SPAG16: variants seen among roughly 807,000 people sequenced by gnomAD.
The protein encoded by SPAG16 is sperm-associated antigen 16 protein.
SPAG16 carries 86 observed loss-of-function variants against 80.4 expected under a neutral mutation model. That is an observed-to-expected ratio of 1.07 (90% CI 0.90 to 1.28). SPAG16 has a LOEUF of 1.28. SPAG16 is among the 50% of genes most tolerant of loss of function. The pLI is 0.00. For missense variants in SPAG16, 870 were observed against 765.3 expected, an observed-to-expected ratio of 1.14 and a Z score of -1.61; for synonymous variants, 294 against 265.9, an observed-to-expected ratio of 1.11 and a Z score of -1.03.
At chr2:213,392,811 A>G (rs1272943071) in intron 9 of SPAG16, among the ~76,000 whole-genome samples, 3 of 151,654 alleles carry the variant, frequency 2.0e-5, no homozygotes, top group Non-Finnish European at 2.9e-5. Flanking sequence ...GCACTACTGC[A>G]CTCCATCCTG....
intron 11 of SPAG16, among the ~76,000 whole-genome samples, chr2:213,918,812 T>A (rs1044184568): frequency 1.3e-5 from 2 of 151,430 alleles, no homozygotes; most frequent in African/African-American, 4.8e-5. Context: ...TTGTAACTCA[T>A]TTTTTTTGTC....
chr2:214,014,708 G>C (rs986281381), intron 13 of SPAG16, among the ~76,000 whole-genome samples: 6 of 152,136 alleles, frequency 3.9e-5, no homozygotes, highest in Non-Finnish European at 8.8e-5. Context: ...AGGCATGATA[G>C]GCAAGAATGT....
At chr2:213,934,119 A>C (rs1002830254) in intron 12 of SPAG16, among the ~76,000 whole-genome samples, 2 of 152,206 alleles carry the variant, frequency 1.3e-5, no homozygotes, top group African/African-American at 4.8e-5. Flanking sequence ...CAATGGGGAA[A>C]GGTGCTCCTC....
At position 213,537,272 on chromosome 2, in the gene SPAG16, C is replaced by G. The variant is rs553241521; in HGVS notation, c.1070+47182C>G. Among the ~76,000 whole-genome samples the G allele has an allele frequency of 2.6e-5, 4 of 151,808 alleles. No individual in the cohort carries two copies. The East Asian group carries it at 7.7e-4, about 29-fold the overall frequency. On this transcript the variant is annotated intron_variant, in intron 10 of 15. Transcript: ENST00000331683. The stretch of plus-strand genomic sequence containing the variant: ...GCACATGTATACATATGTAACTAAC[C>G]TTCACATTGTGCACATGTACCCTAA...
intron 10 of SPAG16, among the ~76,000 whole-genome samples, chr2:213,836,535 T>A (rs2074093614): frequency 6.6e-6 from 1 of 152,168 alleles, no homozygotes. Context: ...AAATGCTCTT[T>A]ATAAAATTTT....
At chr2:214,350,056 C>T (rs1698297129) in intron 15 of SPAG16, among the ~76,000 whole-genome samples, 1 of 152,128 alleles carries the variant, frequency 6.6e-6, no homozygotes, top group Non-Finnish European at 1.5e-5. Context: ...ATGAGAACTG[C>T]TATTCTTCTG....
chr2:214,390,687 C>A (rs4497879), intron 15 of SPAG16, among the ~76,000 whole-genome samples: 131,991 of 152,070 alleles, frequency 0.87, 57,384 homozygotes, highest in Non-Finnish European at 0.9. Context: ...GGAGCACAGC[C>A]TGAGTTCTAG....
intron 7 of SPAG16, among the ~76,000 whole-genome samples, chr2:213,361,755 A>G (rs1318213762): frequency 2.0e-5 from 3 of 150,412 alleles, no homozygotes; most frequent in Non-Finnish European, 3.0e-5. Context: ...TGGATCCCCA[A>G]CTAAATTTGA....
intron 10 of SPAG16, among the ~76,000 whole-genome samples, chr2:213,746,997 C>T (rs980288118): frequency 1.6e-4 from 25 of 152,000 alleles, no homozygotes; most frequent in Non-Finnish European, 1.5e-5. Flanking sequence ...AAGAAGTATT[C>T]CATAAGAAGG....
At chr2:213,878,254 A>G (rs1241540014) in intron 11 of SPAG16, among the ~76,000 whole-genome samples, 5 of 133,902 alleles carry the variant, frequency 3.7e-5, no homozygotes, top group African/African-American at 1.2e-4. Context: ...AGAAATCATC[A>G]TATTGTTTTC....
chr2:213,573,146 C>T (rs2059985627), intron 10 of SPAG16, among the ~76,000 whole-genome samples: 1 of 152,146 alleles, frequency 6.6e-6, no homozygotes, highest in South Asian at 2.1e-4. Context: ...CTGGCACTCC[C>T]TAGTGAGATG....
chr2:213,733,401 CCA>C (rs2067144067), intron 10 of SPAG16, among the ~76,000 whole-genome samples: 1 of 151,818 alleles, frequency 6.6e-6, no homozygotes, highest in Non-Finnish European at 1.5e-5. Context: ...GAGGAATATC[CCA>C]ATAAAGGTGG....
intron 9 of SPAG16, among the ~76,000 whole-genome samples, chr2:213,424,240 C>T (rs1244439557): frequency 1.3e-5 from 2 of 152,170 alleles, no homozygotes; most frequent in African/African-American, 4.8e-5. Flanking sequence ...TTTTCAAAGA[C>T]ACTCAGTTCC....
intron 10 of SPAG16, among the ~76,000 whole-genome samples, chr2:213,531,686 T>A (rs1032468460): frequency 2.6e-5 from 4 of 152,184 alleles, no homozygotes; most frequent in Non-Finnish European, 4.4e-5. Context: ...TAGCTTCATT[T>A]TTCTGTTTGA....
intron 10 of SPAG16, among the ~76,000 whole-genome samples, chr2:213,509,309 G>C (rs2075124257): frequency 6.6e-6 from 1 of 152,152 alleles, no homozygotes; most frequent in Non-Finnish European, 1.5e-5. Flanking sequence ...TCCAGATAGA[G>C]TAGACCAAAG....
At chr2:213,865,344 C>T (rs1414577112) in intron 11 of SPAG16, among the ~76,000 whole-genome samples, 1 of 151,670 alleles carries the variant, frequency 6.6e-6, no homozygotes, top group African/African-American at 2.4e-5. Context: ...AGATTAATCA[C>T]AAATTTTTAA....
At chr2:214,241,144 G>C (rs1236058531) in intron 15 of SPAG16, 1 of 152,074 alleles carries the variant, frequency 6.6e-6, no homozygotes, top group East Asian at 1.9e-4. Context: ...CTTGAGCTCA[G>C]GAGTTCAAAA....
intron 15 of SPAG16, among the ~76,000 whole-genome samples, chr2:214,181,582 G>T (rs1047368650): frequency 1.3e-5 from 2 of 151,746 alleles, no homozygotes; most frequent in Non-Finnish European, 2.9e-5. Context: ...TATCCAGGGT[G>T]CAAGCTTTGC....
chr2:213,603,252 A>G (rs141328352), intron 10 of SPAG16, among the ~76,000 whole-genome samples: 134 of 152,044 alleles, frequency 8.8e-4, no homozygotes, highest in Non-Finnish European at 1.6e-3. Context: ...TTTCTGTGAA[A>G]CCCTTGTTTA....
Sources: allele counts gnomAD v4.1 joint callset (sites outside exome capture counted in the v4.1 genomes callset), GRCh38; gene constraint gnomAD v4.1.1; transcripts MANE v1.5; gene names NCBI Gene and HGNC (gene_info 2026-07-23, HGNC 2026-07-21).